Variants in STOX1 observed in about 807,000 individuals in gnomAD.
STOX1 encodes the protein storkhead-box protein 1.
Under a neutral mutation model 74.8 loss-of-function variants are expected in STOX1, and 57 were observed. That is an observed-to-expected ratio of 0.76 (90% CI 0.62 to 0.95). The LOEUF (loss-of-function observed/expected upper bound fraction) is 0.95, where lower values mean the gene tolerates loss of function less well. STOX1 is among the 40% of genes least tolerant of loss of function. STOX1 has a pLI of 0.00. For synonymous variants in STOX1, 375 were observed against 401.3 expected (o/e 0.93, Z 0.78); for missense variants, 1,010 against 1,117.0 (o/e 0.90, Z 1.37).
At chr10:68,858,457 T>C (rs528831772) in intron 1 of STOX1, among the ~76,000 whole-genome samples, 24 of 152,254 alleles carry the variant, frequency 1.6e-4, no homozygotes, top group African/African-American at 5.8e-4. Context: ...AGTCTTAAAG[T>C]TGAACAGTTT....
chr10:68,848,756 C>G (rs988390773), intron 1 of STOX1, among the ~76,000 whole-genome samples: 3 of 152,118 alleles, frequency 2.0e-5, no homozygotes, highest in African/African-American at 7.2e-5. Context: ...CCTCAAGTTC[C>G]TAGGCACGTG....
chr10:68,840,388 A>G (rs1839662870), intron 1 of STOX1, among the ~76,000 whole-genome samples: 1 of 152,080 alleles, frequency 6.6e-6, no homozygotes, highest in African/African-American at 2.4e-5. Flanking sequence ...TTATCTATTT[A>G]TTTATTTCAA....
intron 1 of STOX1, among the ~76,000 whole-genome samples, chr10:68,874,644 G>A (rs1840630416): frequency 3.9e-5 from 3 of 77,248 alleles, no homozygotes; most frequent in African/African-American, 6.5e-5. Flanking sequence ...CTGGGCGACA[G>A]AGCGAGACTC....
intron 1 of STOX1, among the ~76,000 whole-genome samples, chr10:68,848,629 GCA>G (rs780948267): frequency 6.1e-4 from 93 of 152,152 alleles, no homozygotes; most frequent in Non-Finnish European, 1.3e-3. Flanking sequence ...AGAGGGCCCA[GCA>G]CACAGTGAGC....
In STOX1 at chr10:68,827,552, C is replaced by A; in HGVS notation, c.-72C>A. ...GCGCGCAGTCGGCCGATCCTCCCGC[C>A]GAGCGAGCGGCGTCGTAGCCGCCGC... On this transcript the variant is annotated 5_prime_UTR_variant, in exon 1 of 4. Transcript: ENST00000298596. The A allele has an allele frequency of 2.0e-6, 2 of 1,012,964 alleles. No homozygotes were observed. The highest frequency in any genetic ancestry group is 2.4e-6 in the Non-Finnish European group (2 of 827,560). The allele number at this position is 1,012,964 out of a possible 1,614,324, so 62.7% of individuals were successfully genotyped here.
At chr10:68,835,463 C>T (rs1839524047) in intron 1 of STOX1, among the ~76,000 whole-genome samples, 2 of 152,184 alleles carry the variant, frequency 1.3e-5, no homozygotes, top group Admixed American at 1.3e-4. Context: ...GCTGGGACTA[C>T]AGGCACCCAT....
chr10:68,870,382 T>C (rs892405823), intron 1 of STOX1, among the ~76,000 whole-genome samples: 3 of 152,180 alleles, frequency 2.0e-5, no homozygotes, highest in African/African-American at 7.2e-5. Flanking sequence ...GACATATAGG[T>C]ACTACAGCAG....
chr10:68,853,292 C>G (rs1840036229), intron 1 of STOX1, among the ~76,000 whole-genome samples: 1 of 152,138 alleles, frequency 6.6e-6, no homozygotes, highest in Non-Finnish European at 1.5e-5. Context: ...TTAAGCAGCA[C>G]TTATTCAGCT....
chr10:68,850,855 C>T (rs1733096042), intron 1 of STOX1, among the ~76,000 whole-genome samples: 1 of 151,930 alleles, frequency 6.6e-6, no homozygotes, highest in South Asian at 2.1e-4. Flanking sequence ...AGCTGTAGTC[C>T]CAGCTACTTG....
In STOX1 at chr10:68,882,082, T is replaced by G; in HGVS notation, c.435T>G (p.Leu145=). ...AGATTGTAGTAACGCAGGAATCACT[T>G]TTGGAGCGTTTGATGAAACATTACC... ...TAQIVVTQES[L]LERLMKHYPG... The change falls in exon 2 of 4, where the codon CTT becomes CTG. Residue 145 remains leucine (L), a synonymous_variant. Transcript: ENST00000298596. The G allele has an allele frequency of 1.9e-6, 3 of 1,613,930 alleles. No homozygotes were observed. The highest frequency in any genetic ancestry group is 2.5e-6 in the Non-Finnish European group (3 of 1,179,904).
At chr10:68,872,689 A>G (rs994467147) in intron 1 of STOX1, among the ~76,000 whole-genome samples, 1 of 152,152 alleles carries the variant, frequency 6.6e-6, no homozygotes, top group Non-Finnish European at 1.5e-5. Context: ...TGACAAATTC[A>G]TGTTTTATTA....
intron 1 of STOX1, among the ~76,000 whole-genome samples, chr10:68,868,632 G>A (rs903385651): frequency 2.0e-5 from 3 of 152,142 alleles, no homozygotes; most frequent in Non-Finnish European, 4.4e-5. Flanking sequence ...CTCCTGAACC[G>A]AGGAGGCAGT....
intron 1 of STOX1, among the ~76,000 whole-genome samples, chr10:68,862,926 C>T (rs537585855): frequency 6.6e-6 from 1 of 152,204 alleles, no homozygotes; most frequent in African/African-American, 2.4e-5. Flanking sequence ...GCCTCAATTA[C>T]AGGAGCAGAT....
intron 1 of STOX1, among the ~76,000 whole-genome samples, chr10:68,843,549 G>T (rs930448365): frequency 1.3e-5 from 2 of 151,664 alleles, no homozygotes; most frequent in Non-Finnish European, 2.9e-5. Flanking sequence ...TTTTGTTGTT[G>T]TTGTTGTTGT....
At chr10:68,830,618 C>T (rs1156367634) in intron 1 of STOX1, among the ~76,000 whole-genome samples, 2 of 152,156 alleles carry the variant, frequency 1.3e-5, no homozygotes, top group African/African-American at 4.8e-5. Flanking sequence ...GCTGGGATTA[C>T]AGACATGAGC....
At position 68,860,203 on chromosome 10, in the gene STOX1, C is replaced by T. The variant is rs148579488; in HGVS notation, c.311-21755C>T. 3.2e-3 allele frequency among the ~76,000 whole-genome samples: 476 copies of T among 150,040 alleles called. 9 individuals carry two copies. The highest frequency in any genetic ancestry group is 0.011 in the African/African-American group (458 of 40,554). On this transcript the variant is annotated intron_variant, in intron 1 of 3. Coordinates refer to ENST00000298596, the MANE Select transcript of STOX1 (RefSeq NM_152709.5). ...GAATCACTTGGACCCAGGAGGCGGA[C>T]GTTGCAGTGACTCAAGATCATGCCA...
intron 1 of STOX1, among the ~76,000 whole-genome samples, chr10:68,845,302 C>G (rs189378126): frequency 7.8e-6 from 1 of 128,950 alleles, no homozygotes; most frequent in African/African-American, 3.0e-5. Context: ...GAGATGGAAT[C>G]TTGCTCTGTC....
chr10:68,829,718 C>T (rs1387031645), intron 1 of STOX1, among the ~76,000 whole-genome samples: 1 of 152,028 alleles, frequency 6.6e-6, no homozygotes, highest in Admixed American at 6.6e-5. Flanking sequence ...CTCCTCCCCA[C>T]CCCGCCCCCG....
chr10:68,877,040 C>T (rs1840698687), intron 1 of STOX1, among the ~76,000 whole-genome samples: 2 of 152,110 alleles, frequency 1.3e-5, no homozygotes, highest in African/African-American at 4.8e-5. Flanking sequence ...ACAAAGGAAA[C>T]TCGATGATTT....
Sources: gnomAD v4.1 joint callset for allele counts (sites outside exome capture counted in the v4.1 genomes callset) on GRCh38, gnomAD v4.1.1 for gene constraint, MANE v1.5 for transcripts, NCBI Gene and HGNC (gene_info 2026-07-23, HGNC 2026-07-21) for gene names.